The following VPS35L variants were observed in gnomAD, a reference collection of about 807,000 sequenced individuals.
VPS35L encodes the protein VPS35 endosomal protein sorting factor like.
A neutral mutation model predicts 133.0 loss-of-function variants in VPS35L; 83 were observed. That is an observed-to-expected ratio of 0.62 (90% CI 0.52 to 0.75). The LOEUF is 0.75. VPS35L is among the 30% of genes least tolerant of loss of function. The pLI is 0.00. For synonymous variants in VPS35L, 423 were observed against 449.9 expected (o/e 0.94, Z 0.76); for missense variants, 1,083 against 1,206.8 (o/e 0.90, Z 1.52).
intron 28 of VPS35L, among the ~76,000 whole-genome samples, chr16:19,684,844 G>T (rs1597434954): frequency 6.6e-6 from 1 of 152,074 alleles, no homozygotes; most frequent in Admixed American, 6.6e-5. Flanking sequence ...ATCACCTGAG[G>T]TCAGGAGTTC....
In VPS35L at chr16:19,650,870, A is replaced by G. The variant is rs184572307; in HGVS notation, c.2106+411A>G. 5.4e-3 allele frequency among the ~76,000 whole-genome samples: 817 copies of G among 152,100 alleles called. 6 individuals carry two copies. The highest frequency in any genetic ancestry group is 0.019 in the African/African-American group (772 of 41,524). On this transcript the variant is annotated intron_variant, in intron 25 of 30. Coordinates refer to ENST00000417362, the MANE Select transcript of VPS35L (RefSeq NM_020314.7). ...GCCTTTTTTCCTCTAGATAATAATGATGCCCAACTTTGTTTTTGTTTTTCT... is the reference window on the plus strand; with the variant it reads ...GCCTTTTTTCCTCTAGATAATAATGGTGCCCAACTTTGTTTTTGTTTTTCT...
At chr16:19,636,932 A>T (rs6497394) in intron 19 of VPS35L, among the ~76,000 whole-genome samples, 1 of 151,942 alleles carries the variant, frequency 6.6e-6, no homozygotes, top group Non-Finnish European at 1.5e-5. Flanking sequence ...TTGGCCTTTA[A>T]CTCTACCAGC....
chr16:19,645,449 C>G (rs1219513252), intron 23 of VPS35L, among the ~76,000 whole-genome samples: 8 of 152,078 alleles, frequency 5.3e-5, no homozygotes, highest in African/African-American at 1.9e-4. Context: ...GGCACCACGC[C>G]CGGCTAATTT....
At chr16:19,580,405 C>A (rs1335852342) in intron 6 of VPS35L, among the ~76,000 whole-genome samples, 1 of 152,036 alleles carries the variant, frequency 6.6e-6, no homozygotes, top group African/African-American at 2.4e-5. Flanking sequence ...AGCCACCATG[C>A]CCAGCCTACT....
intron 1 of VPS35L, among the ~76,000 whole-genome samples, chr16:19,561,303 G>A (rs762398525): frequency 3.3e-5 from 5 of 152,180 alleles, no homozygotes; most frequent in Middle Eastern, 6.8e-3. Flanking sequence ...CCTGGGAGGC[G>A]GAGCTTGCAC....
At chr16:19,568,078 A>G (rs556038343) in intron 2 of VPS35L, among the ~76,000 whole-genome samples, 36 of 152,172 alleles carry the variant, frequency 2.4e-4, no homozygotes, top group Admixed American at 2.4e-3. Flanking sequence ...ATAGTGGCTC[A>G]CAGAACTAGG....
chr16:19,637,591 C>T lies in VPS35L; in HGVS notation c.1636-3C>T, dbSNP rs116196940. 5,027 of 1,531,046 alleles carry T rather than the reference C, an allele frequency of 3.3e-3. 139 individuals are homozygous for T. The African/African-American group carries it at 0.059, about 18-fold the overall frequency. 94.8% of individuals were successfully genotyped at this position (1,531,046 alleles called of 1,614,324 possible). ...ATAATATTTTTGTTTGTTTGTTTTA[C>T]AGCTTCAGTTAATAATTAAGAAAGT... is the stretch of plus-strand genomic sequence containing the variant. On this transcript the variant is annotated splice_region_variant and splice_polypyrimidine_tract_variant and intron_variant, in intron 19 of 30. Coordinates refer to ENST00000417362, the MANE Select transcript of VPS35L (RefSeq NM_020314.7).
intron 30 of VPS35L, 99 bp from the exon 31 acceptor site, chr16:19,700,269 ACTCTTCTCTG>A: frequency 1.1e-6 from 1 of 938,942 alleles, no homozygotes; most frequent in South Asian, 1.7e-5. Flanking sequence ...CAAAAAACTC[ACTCTTCTCTG>A]CTAAGAAATC....
intron 11 of VPS35L, 140 bp downstream of exon 11, chr16:19,609,161 A>T: frequency 2.8e-6 from 2 of 719,900 alleles, no homozygotes; most frequent in Non-Finnish European, 4.7e-6. Context: ...TCTTTTTCTC[A>T]TTGAATCCAA....
chr16:19,602,432 T>C (rs1193033249), intron 9 of VPS35L, among the ~76,000 whole-genome samples: 1 of 152,056 alleles, frequency 6.6e-6, no homozygotes, highest in African/African-American at 2.4e-5. Context: ...AGGAGGTGAA[T>C]AGAAAGTGTT....
At position 19,638,590 on chromosome 16, in the gene VPS35L, G is replaced by A. The variant is rs140393975; in HGVS notation, c.1698+934G>A. Among the ~76,000 whole-genome samples the A allele has an allele frequency of 3.2e-3, 489 of 152,328 alleles. 1 individual carries two copies. Among genetic ancestry groups the A allele is most frequent in the Non-Finnish European group, 5.2e-3 (353 of 68,036 alleles). ...ACAATATGCCAGCATTGCTACTCTT[G>A]CACTTTGGGAGCATCATTAAGTAAA... On this transcript the variant is annotated intron_variant, in intron 20 of 30. Coordinates refer to ENST00000417362, the MANE Select transcript of VPS35L (RefSeq NM_020314.7).
At chr16:19,560,127 A>G (rs770739768) in intron 1 of VPS35L, among the ~76,000 whole-genome samples, 3 of 152,240 alleles carry the variant, frequency 2.0e-5, no homozygotes, top group South Asian at 2.1e-4. Context: ...TAGATAATCT[A>G]TGGAACTACT....
At chr16:19,660,093 A>C (rs2151595294) in intron 26 of VPS35L, among the ~76,000 whole-genome samples, 1 of 152,230 alleles carries the variant, frequency 6.6e-6, no homozygotes, top group African/African-American at 2.4e-5. Flanking sequence ...TGGGAGGCCG[A>C]GACGGTGGAT....
At position 19,679,395 on chromosome 16, in the gene VPS35L, C is replaced by T. The variant is rs1478515796; in HGVS notation, c.2362-2830C>T. Among the ~76,000 whole-genome samples the T allele has an allele frequency of 8.0e-5, 12 of 149,324 alleles. No individual in the cohort carries two copies. The East Asian group carries it at 2.2e-3, about 27-fold the overall frequency. On this transcript the variant is annotated intron_variant, in intron 27 of 30. Coordinates refer to ENST00000417362, the MANE Select transcript of VPS35L (RefSeq NM_020314.7). The stretch of plus-strand genomic sequence containing the variant: ...TTCTGTAGCTGAGACCACAGGTGCA[C>T]ACCACCACACGTGGCTAATTTTTTT...
intron 19 of VPS35L, 58 bp from the exon 20 acceptor site, chr16:19,637,532 CAGAA>C (rs564430545): frequency 3.2e-6 from 4 of 1,266,394 alleles, no homozygotes; most frequent in Non-Finnish European, 4.3e-6. Context: ...GAATGTAAAC[CAGAA>C]AGAAATTTTT....
At chr16:19,591,294 A>G (rs1015788168) in intron 7 of VPS35L, among the ~76,000 whole-genome samples, 5 of 152,216 alleles carry the variant, frequency 3.3e-5, no homozygotes, top group African/African-American at 1.2e-4. Flanking sequence ...GGGGCCACAG[A>G]TGAGGACTGT....
At chr16:19,564,982 AT>A in intron 2 of VPS35L, 32 bp downstream of exon 2, 3 of 1,464,966 alleles carry the variant, frequency 2.0e-6, no homozygotes, top group Non-Finnish European at 9.5e-7. Flanking sequence ...TCTGAATGAT[AT>A]TCTTATCCCT....
chr16:19,597,742 G>A (rs1873013656), intron 8 of VPS35L, among the ~76,000 whole-genome samples: 1 of 152,176 alleles, frequency 6.6e-6, no homozygotes, highest in African/African-American at 2.4e-5. Flanking sequence ...CAGCCTGCAT[G>A]GACAGATGCT....
intron 26 of VPS35L, among the ~76,000 whole-genome samples, chr16:19,662,955 C>G (rs1041212797): frequency 6.6e-6 from 1 of 151,580 alleles, no homozygotes; most frequent in East Asian, 1.9e-4. Context: ...TACCACTGCA[C>G]TTCAACCTGG....
Sources: allele counts gnomAD v4.1 joint callset (sites outside exome capture counted in the v4.1 genomes callset), GRCh38; gene constraint gnomAD v4.1.1; transcripts MANE v1.5; gene names NCBI Gene and HGNC (gene_info 2026-07-23, HGNC 2026-07-21).